FBN1: variants seen among roughly 807,000 people sequenced by gnomAD.
The protein encoded by FBN1 is fibrillin-1.
Under a neutral mutation model 365.1 loss-of-function variants are expected in FBN1, and 29 were observed. The ratio of observed to expected loss-of-function variants is 0.08; its 90% CI spans 0.06 to 0.11. FBN1 has a LOEUF of 0.11. Ranked by LOEUF, FBN1 falls within the 10% of genes least tolerant of loss-of-function variation. FBN1 has a pLI of 1.00. For missense variants in FBN1, 2,476 were observed against 3,703.2 expected (o/e 0.67, Z 8.60); for synonymous variants, 1,210 against 1,270.5 (o/e 0.95, Z 1.01).
Position 48,533,984 on chromosome 15 carries a change from A to T in FBN1, c.862+96T>A. ...CATTCACAGGGATGACAAAGACAGA[A>T]GGATTTAGGAATAATTTGCAAACAA... On this transcript the variant is annotated intron_variant, in intron 8 of 65. Coordinates refer to ENST00000316623, the MANE Select transcript of FBN1 (RefSeq NM_000138.5). 6 of 1,513,922 alleles carry T rather than the reference A, an allele frequency of 4.0e-6. No individual in the cohort carries two copies. In the Admixed American group the frequency reaches 1.0e-4, roughly 25 times the overall value. 93.8% of individuals were successfully genotyped at this position (1,513,922 alleles called of 1,614,324 possible).
At chr15:48,565,175 C>A (rs1348099438) in intron 6 of FBN1, among the ~76,000 whole-genome samples, 1 of 152,180 alleles carries the variant, frequency 6.6e-6, no homozygotes, top group Non-Finnish European at 1.5e-5. Flanking sequence ...TATTCCTCCC[C>A]AGACCCAGCA....
chr15:48,564,750 A>G, intron 6 of FBN1, among the ~76,000 whole-genome samples: 1 of 152,202 alleles, frequency 6.6e-6, no homozygotes, highest in East Asian at 1.9e-4. Context: ...GAATTAAGTT[A>G]ATAAACCAAA....
At chr15:48,592,632 A>C (rs17364665) in intron 6 of FBN1, among the ~76,000 whole-genome samples, 7,908 of 152,248 alleles carry the variant, frequency 0.052, 264 homozygotes, top group Middle Eastern at 0.095. Flanking sequence ...GCAACAAGAA[A>C]ACCACAAATG....
At chr15:48,494,643 C>T (rs60760194) in intron 22 of FBN1, among the ~76,000 whole-genome samples, 11,610 of 152,180 alleles carry the variant, frequency 0.076, 1,529 homozygotes, top group African/African-American at 0.27. Flanking sequence ...GATCTCATGG[C>T]CTCCAGCATT....
At chr15:48,542,921 C>G (rs2044069263) in intron 6 of FBN1, among the ~76,000 whole-genome samples, 1 of 151,752 alleles carries the variant, frequency 6.6e-6, no homozygotes, top group Non-Finnish European at 1.5e-5. Flanking sequence ...AACTACTTAT[C>G]TGAAAGTCTA....
chr15:48,469,445 A>G (rs1273867994), intron 36 of FBN1, among the ~76,000 whole-genome samples: 2 of 152,080 alleles, frequency 1.3e-5, no homozygotes, highest in African/African-American at 4.8e-5. Context: ...TTTCTATTCC[A>G]AAAATATGTA....
intron 49 of FBN1, 119 bp downstream of exon 49, chr15:48,444,422 C>T (rs774712131): frequency 1.0e-5 from 12 of 1,167,926 alleles, no homozygotes; most frequent in Non-Finnish European, 6.4e-6. Flanking sequence ...TACCTATGCC[C>T]TTGCATTTGT....
rs140591 is a variant in FBN1 at position 48,490,038 on chromosome 15, C to T, written c.2895G>A (p.Glu965=). The change falls in exon 25 of 66, where the codon GAG becomes GAA. Residue 965 remains glutamate (E), a synonymous_variant. Transcript: ENST00000316623. ...GGCCAGCAATAGGCAGGGTGCACTC[C>T]TCGTCCTCGTACCTCAGGAAGCAGG... ...LETCFLRYED[E]ECTLPIAGRH... 2.6e-4 allele frequency: 424 copies of T among 1,614,030 alleles called. No homozygotes were observed. The highest frequency in any genetic ancestry group is 2.4e-4 in the Non-Finnish European group (285 of 1,180,048).
At chr15:48,610,524 G>A (rs1465763852) in intron 4 of FBN1, among the ~76,000 whole-genome samples, 8 of 152,120 alleles carry the variant, frequency 5.3e-5, no homozygotes, top group African/African-American at 1.9e-4. Context: ...TGCCCCATAG[G>A]TAATTTTCCT....
intron 9 of FBN1, among the ~76,000 whole-genome samples, chr15:48,521,617 T>C (rs1291126125): frequency 6.6e-6 from 1 of 152,208 alleles, no homozygotes; most frequent in Non-Finnish European, 1.5e-5. Flanking sequence ...TCCGACACAC[T>C]GCAGCGCAGC....
intron 64 of FBN1, among the ~76,000 whole-genome samples, 161 bp downstream of exon 64, chr15:48,415,375 A>G (rs1234406455): frequency 6.6e-6 from 1 of 152,230 alleles, no homozygotes; most frequent in African/African-American, 2.4e-5. Flanking sequence ...TTCCTTCCAA[A>G]TAAAATAACC....
intron 43 of FBN1, among the ~76,000 whole-genome samples, chr15:48,458,617 T>C (rs1191831741): frequency 6.6e-6 from 1 of 152,232 alleles, no homozygotes; most frequent in Non-Finnish European, 1.5e-5. Context: ...TTATCAAGTT[T>C]AACAATAACG....
chr15:48,434,107 C>T (rs779634499), intron 54 of FBN1, among the ~76,000 whole-genome samples: 2 of 152,288 alleles, frequency 1.3e-5, no homozygotes, highest in South Asian at 2.1e-4. Context: ...ACCAGGCTTA[C>T]GGATGGACAC....
intron 43 of FBN1, 68 bp from the exon 44 acceptor site, chr15:48,456,830 T>C (rs2043242836): frequency 1.5e-6 from 2 of 1,316,840 alleles, no homozygotes; most frequent in East Asian, 2.8e-5. Flanking sequence ...TAAGACAAGA[T>C]GGAAAGTGCG....
intron 2 of FBN1, among the ~76,000 whole-genome samples, chr15:48,628,296 T>TGAA (rs1889924458): frequency 6.7e-6 from 1 of 149,530 alleles, no homozygotes; most frequent in African/African-American, 2.5e-5. Context: ...TCCAATTTCT[T>TGAA]GAAGAAAAAA....
chr15:48,575,632 T>G (rs570077871), intron 6 of FBN1, among the ~76,000 whole-genome samples: 2 of 152,110 alleles, frequency 1.3e-5, no homozygotes, highest in African/African-American at 2.4e-5. Context: ...GAAAACAGTA[T>G]GGACATTTCT....
At position 48,465,650 on chromosome 15, in the gene FBN1, T is replaced by G. The variant is rs1206273086; in HGVS notation, c.4860A>C (p.Gly1620=). ...AACTCCCAAAGGTGTTGATACATTT[T>G]CCTCCTTGGCACAGCCCTGGTAGCT... ...CQELPGLCQG[G]KCINTFGSFQ... Residue 1620 remains glycine (G), a synonymous_variant, in exon 40 of 66, where the codon GGA becomes GGC. Coordinates refer to ENST00000316623, the MANE Select transcript of FBN1 (RefSeq NM_000138.5). 6.2e-7 allele frequency: 1 copy of G among 1,614,108 alleles called. No homozygotes were observed. Among genetic ancestry groups the G allele is most frequent in the East Asian group, 2.2e-5 (1 of 44,884 alleles).
At chr15:48,473,699 A>G (rs1375531008) in intron 34 of FBN1, among the ~76,000 whole-genome samples, 3 of 152,182 alleles carry the variant, frequency 2.0e-5, no homozygotes, top group Non-Finnish European at 2.9e-5. Context: ...AGAGAAATAC[A>G]TACTGTTCTT....
At chr15:48,463,674 G>T (rs1412627830) in intron 41 of FBN1, among the ~76,000 whole-genome samples, 1 of 152,146 alleles carries the variant, frequency 6.6e-6, no homozygotes, top group East Asian at 1.9e-4. Context: ...TGTTGTTTGG[G>T]ATTTTCCAAC....
Sources: allele counts gnomAD v4.1 joint callset (sites outside exome capture counted in the v4.1 genomes callset), GRCh38; gene constraint gnomAD v4.1.1; transcripts MANE v1.5; gene names NCBI Gene and HGNC (gene_info 2026-07-23, HGNC 2026-07-21).